Variants in TENM3 observed in about 807,000 individuals in gnomAD.
TENM3 encodes the protein teneurin-3.
A neutral mutation model predicts 255.1 loss-of-function variants in TENM3; 63 were observed. That is an observed-to-expected ratio of 0.25 (90% CI 0.20 to 0.30). The LOEUF (loss-of-function observed/expected upper bound fraction) is 0.30. Among genes scored for constraint, TENM3 ranks in the 10% least tolerant of loss-of-function variants. The pLI is 1.00. For synonymous variants in TENM3, 1,306 were observed against 1,322.3 expected, an observed-to-expected ratio of 0.99 and a Z score of 0.27; for missense variants, 2,929 against 3,461.1, an observed-to-expected ratio of 0.85 and a Z score of 3.86.
chr4:182,448,097 T>G (rs573209372), intron 3 of TENM3, among the ~76,000 whole-genome samples: 1 of 152,218 alleles, frequency 6.6e-6, no homozygotes, highest in Admixed American at 6.5e-5. Flanking sequence ...TCGGGCCACT[T>G]GCACACATGC....
intron 3 of TENM3, among the ~76,000 whole-genome samples, chr4:182,371,567 T>G (rs1032510784): frequency 6.6e-6 from 1 of 152,176 alleles, no homozygotes; most frequent in Non-Finnish European, 1.5e-5. Context: ...TTTCCAGCTT[T>G]GGATTTCTCT....
intron 1 of TENM3, among the ~76,000 whole-genome samples, chr4:182,238,074 A>T (rs1027918669): frequency 6.6e-6 from 1 of 152,202 alleles, no homozygotes; most frequent in African/African-American, 2.4e-5. Flanking sequence ...ACTTTTAAAT[A>T]AGATGAGACA....
Position 182,671,597 on chromosome 4 carries a change from T to G in TENM3, c.1112-1408T>G, listed in dbSNP as rs191184282. Among the ~76,000 whole-genome samples the G allele has an allele frequency of 3.9e-5, 6 of 152,340 alleles. No individual in the cohort carries two copies. The East Asian group carries it at 5.8e-4, about 15-fold the overall frequency. On this transcript the variant is annotated intron_variant, in intron 6 of 27. Coordinates refer to ENST00000511685, the MANE Select transcript of TENM3 (RefSeq NM_001080477.4). ...GTTGTCTCCCCACCCAGGTAATTACTACTTGATAGCAGAAGCTATGGAAGT... is the reference window on the plus strand; with the variant it reads ...GTTGTCTCCCCACCCAGGTAATTACGACTTGATAGCAGAAGCTATGGAAGT...
upstream of TENM3, among the ~76,000 whole-genome samples, chr4:182,242,044 T>G (rs563063239): frequency 7.4e-5 from 11 of 148,224 alleles, no homozygotes; most frequent in African/African-American, 2.8e-4. Flanking sequence ...TTATTTTACT[T>G]TAAGTTCTAG....
chr4:181,919,569 T>A, the TENM3 span, among the ~76,000 whole-genome samples: 1 of 151,976 alleles, frequency 6.6e-6, no homozygotes, highest in Admixed American at 6.6e-5. Flanking sequence ...GGAACTACAG[T>A]TTGTTGAAAG....
At chr4:182,709,440 T>C (rs977004881) in intron 12 of TENM3, among the ~76,000 whole-genome samples, 6 of 152,228 alleles carry the variant, frequency 3.9e-5, no homozygotes, top group Non-Finnish European at 7.3e-5. Flanking sequence ...AAGTAATTTT[T>C]TGCAACCTAA....
At chr4:182,215,311 C>T (rs943965729) in intron 1 of TENM3, among the ~76,000 whole-genome samples, 15 of 152,122 alleles carry the variant, frequency 9.9e-5, no homozygotes, top group Non-Finnish European at 1.2e-4. Context: ...GATGACGCCT[C>T]CAGAATGAGG....
chr4:181,556,025 A>G, the TENM3 span, among the ~76,000 whole-genome samples: 9 of 152,040 alleles, frequency 5.9e-5, no homozygotes, highest in Non-Finnish European at 1.2e-4. Context: ...GTCAAAAAAT[A>G]TTTTCCAGGT....
the TENM3 span, among the ~76,000 whole-genome samples, chr4:181,730,764 GA>G: frequency 2.0e-5 from 3 of 152,074 alleles, no homozygotes; most frequent in Non-Finnish European, 4.4e-5. Flanking sequence ...CATTTTTAAC[GA>G]GTTTCTAGTA....
the TENM3 span, among the ~76,000 whole-genome samples, chr4:181,752,157 C>T: frequency 2.0e-5 from 3 of 152,202 alleles, no homozygotes; most frequent in East Asian, 1.9e-4. Flanking sequence ...GGCCCAACTA[C>T]GGTTCTCTCC....
chr4:182,367,559 G>A (rs1354553507), intron 3 of TENM3, among the ~76,000 whole-genome samples: 2 of 151,998 alleles, frequency 1.3e-5, no homozygotes, highest in African/African-American at 4.8e-5. Context: ...TGTTGACAGG[G>A]CTCTGTAATG....
intron 2 of TENM3, among the ~76,000 whole-genome samples, chr4:182,335,108 C>G (rs990308456): frequency 6.6e-6 from 1 of 151,972 alleles, no homozygotes; most frequent in Admixed American, 6.6e-5. Flanking sequence ...GGTAGGAAGG[C>G]CTTCTCTACT....
chr4:181,650,187 A>C, the TENM3 span, among the ~76,000 whole-genome samples: 1 of 152,172 alleles, frequency 6.6e-6, no homozygotes, highest in East Asian at 1.9e-4. Flanking sequence ...AGGATACTGC[A>C]TTTTCTGAAA....
At chr4:181,632,474 G>T in the TENM3 span, among the ~76,000 whole-genome samples, 2 of 152,202 alleles carry the variant, frequency 1.3e-5, no homozygotes, top group African/African-American at 4.8e-5. Context: ...TTTTAAAAGA[G>T]CTTTGCAAAT....
the TENM3 span, among the ~76,000 whole-genome samples, chr4:181,805,417 G>T: frequency 6.6e-6 from 1 of 152,166 alleles, no homozygotes; most frequent in African/African-American, 2.4e-5. Context: ...AGTCTCTCTA[G>T]CCTTCTCGCA....
the TENM3 span, among the ~76,000 whole-genome samples, chr4:181,706,959 C>A: frequency 1.3e-5 from 2 of 152,332 alleles, no homozygotes; most frequent in South Asian, 4.1e-4. Context: ...TCTCCCTGGT[C>A]CTGGAAGTTC....
At chr4:181,854,000 A>G in the TENM3 span, among the ~76,000 whole-genome samples, 2 of 152,338 alleles carry the variant, frequency 1.3e-5, no homozygotes, top group Admixed American at 6.5e-5. Flanking sequence ...CATCCCACTG[A>G]TTACAGTTGG....
At chr4:182,308,263 G>A (rs1762247555) in intron 1 of TENM3, among the ~76,000 whole-genome samples, 1 of 152,118 alleles carries the variant, frequency 6.6e-6, no homozygotes, top group African/African-American at 2.4e-5. Context: ...GCCTGGGTTG[G>A]GCGTTGTCTA....
chr4:181,850,660 ACTAGGTGAATTACTG>A, the TENM3 span, among the ~76,000 whole-genome samples: 1 of 152,134 alleles, frequency 6.6e-6, no homozygotes, highest in East Asian at 1.9e-4. Flanking sequence ...TGTTTTTTTA[ACTAGGTGAATTACTG>A]CTGCTTTGTG....
Sources: allele counts gnomAD v4.1 joint callset (sites outside exome capture counted in the v4.1 genomes callset), GRCh38; gene constraint gnomAD v4.1.1; transcripts MANE v1.5; gene names NCBI Gene and HGNC (gene_info 2026-07-23, HGNC 2026-07-21).